ZNF276: variants seen among roughly 807,000 people sequenced by gnomAD.
ZNF276 encodes centromere protein Z.
In ZNF276, 59 loss-of-function variants were observed where a neutral mutation model predicts 63.9. The observed-to-expected ratio is 0.92, with a 90% CI of 0.75 to 1.15. The LOEUF (loss-of-function observed/expected upper bound fraction) is 1.15, where lower values mean the gene tolerates loss of function less well. Among genes scored for constraint, ZNF276 ranks in the 50% most tolerant of loss-of-function variants. The pLI, the probability that ZNF276 is intolerant of heterozygous loss-of-function variation, is 0.00. For synonymous variants in ZNF276, 496 were observed against 348.4 expected, an observed-to-expected ratio of 1.42 and a Z score of -4.72; for missense variants, 1,084 against 843.8, an observed-to-expected ratio of 1.28 and a Z score of -3.53.
In ZNF276 at chr16:89,733,807, G is replaced by C. The variant is rs113836254; in HGVS notation, c.1357-114G>C. Reference sequence around the variant, plus strand: ...AAGCTGTGAAGGAGCCAGTGGTGTCGCTGGAGGAGGAGTTGGATCTGCCTT... The same window carrying C: ...AAGCTGTGAAGGAGCCAGTGGTGTCCCTGGAGGAGGAGTTGGATCTGCCTT... On this transcript the variant is annotated intron_variant, in intron 8 of 10. Transcript: ENST00000443381. 5.1e-6 allele frequency: 5 copies of C among 985,284 alleles called. No homozygotes were observed. The African/African-American group carries it at 5.7e-5, about 11-fold the overall frequency. The allele number at this position is 985,284 out of a possible 1,614,324, so 61.0% of individuals were successfully genotyped here.
chr16:89,740,886 CTT>C lies in ZNF276; in HGVS notation c.*2641_*2642del, dbSNP rs1163738344. The C allele has an allele frequency of 1.3e-6, 2 of 1,595,566 alleles. No homozygotes were observed. The highest frequency in any genetic ancestry group is 1.7e-6 in the Non-Finnish European group (2 of 1,166,680). On this transcript the variant is annotated 3_prime_UTR_variant, in exon 11 of 11. Coordinates refer to ENST00000443381, the MANE Select transcript of ZNF276 (RefSeq NM_001113525.2). ...CAATAGCTGTAAATAAAAACGTGCA[CTT>C]ATTATTACATTAAAATTACCTGTGC...
chr16:89,722,939 G>T lies in ZNF276; in HGVS notation c.509+105G>T, dbSNP rs1226094674. ...CCTCCGCGGGAGCCTCTGGGTGGGG[G>T]GAATGGGCCATGCCCGGGTTCAGTG... On this transcript the variant is annotated intron_variant, in intron 2 of 10. Transcript: ENST00000443381. 2.0e-5 allele frequency: 31 copies of T among 1,556,434 alleles called. No individual in the cohort carries two copies. The East Asian group carries it at 4.7e-4, about 24-fold the overall frequency.
At position 89,722,651 on chromosome 16, in the gene ZNF276, A is replaced by C; in HGVS notation, c.326A>C (p.Glu109Ala). ...PGASMERPSA[E>A]ERVLVRDFQR... is the part of the protein sequence containing the mutation. ...GCGAGCATGGAGAGGCCATCCGCAG[A>C]GGAGCGCGTGCTCGTACGGGACTTC... The change falls in exon 2 of 11, where the codon GAG becomes GCG. Residue 109 changes from glutamate to alanine, a missense_variant. Coordinates refer to ENST00000443381, the MANE Select transcript of ZNF276 (RefSeq NM_001113525.2). The C allele has an allele frequency of 6.2e-7, 1 of 1,612,234 alleles. No homozygotes were observed. The highest frequency in any genetic ancestry group is 8.5e-7 in the Non-Finnish European group (1 of 1,180,018).
chr16:89,733,377 C>T lies in ZNF276; in HGVS notation c.1245C>T (p.Pro415=). The T allele has an allele frequency of 5.0e-6, 8 of 1,614,168 alleles. No individual in the cohort carries two copies. The highest frequency in any genetic ancestry group is 6.8e-6 in the Non-Finnish European group (8 of 1,180,042). ...CAAGAATTCGGAAGAAGCCGGGACC[C>T]AAGCCCGGATGGAAGAAGAAGCTTC... ...EEPRIRKKPG[P]KPGWKKKLRC... The change falls in exon 7 of 11, where the codon CCC becomes CCT. Residue 415 remains proline, a synonymous_variant. Coordinates refer to ENST00000443381, the MANE Select transcript of ZNF276 (RefSeq NM_001113525.2).
At chr16:89,728,318 G>T (rs1056878962) in intron 5 of ZNF276, among the ~76,000 whole-genome samples, 4 of 148,690 alleles carry the variant, frequency 2.7e-5, no homozygotes, top group Admixed American at 6.8e-5. Context: ...TCCACCTCCC[G>T]CGTTCAAGTG....
intron 1 of ZNF276, 102 bp from the exon 2 acceptor site, chr16:89,722,429 C>CG (rs2061325068): frequency 1.5e-6 from 2 of 1,370,948 alleles, no homozygotes; most frequent in African/African-American, 2.9e-5. Flanking sequence ...GGGAGCCGCG[C>CG]GAAGGGCGCT....
intron 5 of ZNF276, among the ~76,000 whole-genome samples, chr16:89,728,952 C>T (rs79139787): frequency 0.04 from 6,153 of 152,320 alleles, 174 homozygotes; most frequent in Non-Finnish European, 0.065. Context: ...TACCTTTGAG[C>T]GCCTCCACCC....
At chr16:89,737,653 CGAG>C in intron 9 of ZNF276, 150 bp from the exon 10 acceptor site, 1 of 1,423,140 alleles carries the variant, frequency 7.0e-7, no homozygotes, top group Non-Finnish European at 9.3e-7. Flanking sequence ...TCTTAATAAA[CGAG>C]GCCCTCATAG....
At chr16:89,734,943 G>A (rs907575439) in intron 9 of ZNF276, among the ~76,000 whole-genome samples, 3 of 152,166 alleles carry the variant, frequency 2.0e-5, no homozygotes, top group Non-Finnish European at 4.4e-5. Flanking sequence ...TGGATCACCT[G>A]AGGTCAGCAG....
Position 89,740,120 on chromosome 16 carries a change from A to G in ZNF276, c.*1874A>G. 6.2e-7 allele frequency: 1 copy of G among 1,607,936 alleles called. No homozygotes were observed. Among genetic ancestry groups the G allele is most frequent in the Non-Finnish European group, 8.5e-7 (1 of 1,174,736 alleles). ...GTGCTCTGTAAACCGCAGGAGACCA[A>G]CCCTGAGAATGGCCGACCTGGTGCT... On this transcript the variant is annotated 3_prime_UTR_variant, in exon 11 of 11. Coordinates refer to ENST00000443381, the MANE Select transcript of ZNF276 (RefSeq NM_001113525.2).
rs2061286150 is a variant in ZNF276 at position 89,721,755 on chromosome 16, G to A, written c.115G>A (p.Gly39Arg). Residue 39 changes from glycine (G) to arginine (R), a missense_variant, in exon 1 of 11, where the codon GGG (glycine) becomes AGG (arginine). Transcript: ENST00000443381. ...TCGGGGCCGCCCTTCCCTTAGCGGT[G>A]GGCCGAGGGTGGACGGGGCGACGGC... Reference protein sequence around the residue: ...RTRGRPSLSGGPRVDGATARR... With the variant: ...RTRGRPSLSGRPRVDGATARR... 7.7e-7 allele frequency: 1 copy of A among 1,302,640 alleles called. No individual in the cohort carries two copies. Among genetic ancestry groups the A allele is most frequent in the East Asian group, 3.1e-5 (1 of 31,782 alleles). The allele number at this position is 1,302,640 out of a possible 1,614,324, so 80.7% of individuals were successfully genotyped here.
At position 89,739,983 on chromosome 16, in the gene ZNF276, G is replaced by A. The variant is rs553011717; in HGVS notation, c.*1737G>A. The A allele has an allele frequency of 9.9e-6, 16 of 1,613,732 alleles. No individual in the cohort carries two copies. In the East Asian group the frequency reaches 1.8e-4, roughly 18 times the overall value. ...CCCTCCGCATTTGTGCCTCAGCAGC[G>A]TGTTTCTTACCACTCTCTGTCAACT... On this transcript the variant is annotated 3_prime_UTR_variant, in exon 11 of 11. Transcript: ENST00000443381.
chr16:89,730,250 G>T (rs1296094436), intron 6 of ZNF276, among the ~76,000 whole-genome samples: 3 of 152,196 alleles, frequency 2.0e-5, no homozygotes, highest in African/African-American at 7.2e-5. Flanking sequence ...GCCCAGAAAA[G>T]GTGCCCGGGG....
intron 5 of ZNF276, among the ~76,000 whole-genome samples, chr16:89,728,673 A>G (rs1028300629): frequency 3.9e-5 from 6 of 152,008 alleles, no homozygotes; most frequent in Admixed American, 1.3e-4. Flanking sequence ...AAGTGCTGGG[A>G]TTACAGGTGT....
chr16:89,737,921 GA>G lies in ZNF276; in HGVS notation c.1574+17del, dbSNP rs375657470. ...AGCCTTTGCAGTAAGTGTGAGTCAG[GA>G]CCCCCTCCCAGGGCTGTGGCCCTCG... On this transcript the variant is annotated intron_variant, in intron 10 of 10. Coordinates refer to ENST00000443381, the MANE Select transcript of ZNF276 (RefSeq NM_001113525.2). The G allele has an allele frequency of 5.7e-3, 9,012 of 1,571,354 alleles. 444 individuals carry two copies. In the African/African-American group the frequency reaches 0.14, roughly 24 times the overall value.
rs1567594872 is a variant in ZNF276, at chr16:89,739,952, G to A, written c.*1706G>A. The stretch of plus-strand genomic sequence containing the variant: ...ACCATTTGCAAGATGCCTCTGAAAA[G>A]AGCGGCCCTCCGCATTTGTGCCTCA... On this transcript the variant is annotated 3_prime_UTR_variant, in exon 11 of 11. Coordinates refer to ENST00000443381, the MANE Select transcript of ZNF276 (RefSeq NM_001113525.2). The A allele has an allele frequency of 2.5e-6, 4 of 1,611,566 alleles. No individual in the cohort carries two copies. In the African/African-American group the frequency reaches 4.0e-5, roughly 16 times the overall value.
At chr16:89,723,762 G>T in intron 4 of ZNF276, 53 bp downstream of exon 4, 2 of 1,528,654 alleles carry the variant, frequency 1.3e-6, no homozygotes, top group Non-Finnish European at 8.8e-7. Context: ...CCTCAGTGGG[G>T]CAGGGTTTTC....
chr16:89,739,737 G>C lies in ZNF276; in HGVS notation c.*1491G>C. On this transcript the variant is annotated 3_prime_UTR_variant, in exon 11 of 11. Coordinates refer to ENST00000443381, the MANE Select transcript of ZNF276 (RefSeq NM_001113525.2). Reference sequence around the variant, plus strand: ...GCAGCTGGGAGAGGATGGGGGGGTCGACCTCTTGCAGGAGGGTGGGTGTGG... The same window carrying C: ...GCAGCTGGGAGAGGATGGGGGGGTCCACCTCTTGCAGGAGGGTGGGTGTGG... 1 of 1,492,946 alleles carries C rather than the reference G, an allele frequency of 6.7e-7. No individual in the cohort carries two copies. The highest frequency in any genetic ancestry group is 1.3e-5 in the South Asian group (1 of 76,118). The allele number at this position is 1,492,946 out of a possible 1,614,324, so 92.5% of individuals were successfully genotyped here. A position where few individuals can be genotyped will look rare whatever the true frequency, so the allele number is the denominator to read the frequency against.
intron 9 of ZNF276, among the ~76,000 whole-genome samples, chr16:89,735,879 GTGTTTTTTTT>G (rs776565562): frequency 1.2e-4 from 15 of 129,720 alleles, no homozygotes; most frequent in Admixed American, 4.3e-4. Flanking sequence ...CACGCCGGGG[GTGTTTTTTTT>G]TGTTTGTTTG....
Sources: gnomAD v4.1 joint callset for allele counts (sites outside exome capture counted in the v4.1 genomes callset) on GRCh38, gnomAD v4.1.1 for gene constraint, MANE v1.5 for transcripts, NCBI Gene and HGNC (gene_info 2026-07-23, HGNC 2026-07-21) for gene names.